Variants in IGSF21 observed in about 807,000 individuals in gnomAD.
The protein encoded by IGSF21 is immunoglobin superfamily member 21, also known as immunoglobulin superfamily member 21.
In IGSF21, 28 loss-of-function variants were observed where a neutral mutation model predicts 46.8. That is an observed-to-expected ratio of 0.60 (90% confidence interval 0.44 to 0.82). IGSF21 has a LOEUF of 0.82. IGSF21 is among the 40% of genes least tolerant of loss of function. The pLI is 0.00. For synonymous variants in IGSF21, 284 were observed against 273.6 expected (o/e 1.04, Z -0.38); for missense variants, 624 against 665.5 (o/e 0.94, Z 0.69).
chr1:18,301,257 T>C (rs2085358623), intron 3 of IGSF21, among the ~76,000 whole-genome samples: 1 of 152,210 alleles, frequency 6.6e-6, no homozygotes. Flanking sequence ...TGGAGCCAGG[T>C]CCACTTGTGG....
chr1:18,190,505 TCTGGAG>T (rs67839615), intron 1 of IGSF21, among the ~76,000 whole-genome samples: 78,704 of 151,584 alleles, frequency 0.52, 23,413 homozygotes, highest in Non-Finnish European at 0.67. Flanking sequence ...TGCCAGGTCA[TCTGGAG>T]CTGAGAAAGT....
chr1:18,210,830 G>T (rs2084384136), intron 1 of IGSF21, among the ~76,000 whole-genome samples: 1 of 152,112 alleles, frequency 6.6e-6, no homozygotes, highest in East Asian at 1.9e-4. Context: ...ACCCCTGGTT[G>T]AGAACCACTC....
At chr1:18,160,142 G>A (rs1157937167) in intron 1 of IGSF21, among the ~76,000 whole-genome samples, 1 of 152,106 alleles carries the variant, frequency 6.6e-6, no homozygotes, top group Non-Finnish European at 1.5e-5. Context: ...CCAGGCTAGG[G>A]GGAGAGAAGG....
intron 4 of IGSF21, among the ~76,000 whole-genome samples, chr1:18,356,502 C>A (rs1038148480): frequency 6.6e-6 from 1 of 152,186 alleles, no homozygotes; most frequent in Non-Finnish European, 1.5e-5. Flanking sequence ...AGGCAGGTGG[C>A]CTCACCTTAC....
chr1:18,121,408 C>T (rs1289532663), intron 1 of IGSF21, among the ~76,000 whole-genome samples: 6 of 151,690 alleles, frequency 4.0e-5, no homozygotes, highest in East Asian at 2.0e-4. Context: ...GCTTTTCTCA[C>T]GATCCTCTAT....
intron 1 of IGSF21, chr1:18,115,192 C>G (rs1397982824): frequency 6.6e-6 from 1 of 152,502 alleles, no homozygotes; most frequent in East Asian, 1.9e-4. Context: ...GACATCTGCC[C>G]TCAGCTAGCA....
chr1:18,165,822 T>C (rs1338088547), intron 1 of IGSF21, among the ~76,000 whole-genome samples: 1 of 152,234 alleles, frequency 6.6e-6, no homozygotes, highest in East Asian at 1.9e-4. Flanking sequence ...TCCTCTTCCT[T>C]ATTTAAAAGT....
At position 18,341,045 on chromosome 1, in the gene IGSF21, C is replaced by CTTCTTCTTCTTCTTCTTCTTCT. The variant is rs55780171; in HGVS notation, c.424+6036_424+6037insTCTTCTTCTTCTTCTTCTTCTT. Among the ~76,000 whole-genome samples, 514 of 78,200 alleles carry CTTCTTCTTCTTCTTCTTCTTCT rather than the reference C, an allele frequency of 6.6e-3. 2 individuals are homozygous for CTTCTTCTTCTTCTTCTTCTTCT. Among genetic ancestry groups the CTTCTTCTTCTTCTTCTTCTTCT allele is most frequent in the East Asian group, 0.026 (64 of 2,492 alleles). 51.3% of individuals were successfully genotyped at this position (78,200 alleles called of 152,430 possible). ...CTTCTTCTTCTTCTTCTTCTTCTTCCTCTTCCTCTTCCTCTTCTTCTTCTT... is the reference window on the plus strand; with the variant it reads ...CTTCTTCTTCTTCTTCTTCTTCTTCCTTCTTCTTCTTCTTCTTCTTCTTCTTCCTCTTCCTCTTCTTCTTCTT... On this transcript the variant is annotated intron_variant, in intron 4 of 9. Transcript: ENST00000251296.
intron 2 of IGSF21, among the ~76,000 whole-genome samples, chr1:18,241,978 G>A (rs2124518702): frequency 6.6e-6 from 1 of 152,296 alleles, no homozygotes; most frequent in Admixed American, 6.5e-5. Flanking sequence ...AAGCTCTGTG[G>A]CCTCCTCCGT....
intron 2 of IGSF21, among the ~76,000 whole-genome samples, chr1:18,277,255 C>T (rs1421654567): frequency 3.3e-5 from 5 of 152,214 alleles, no homozygotes; most frequent in East Asian, 1.9e-4. Flanking sequence ...ACTCTGGCCT[C>T]GGTTGCCTCC....
chr1:18,139,417 G>T (rs1454429823), intron 1 of IGSF21, among the ~76,000 whole-genome samples: 1 of 152,174 alleles, frequency 6.6e-6, no homozygotes, highest in Non-Finnish European at 1.5e-5. Context: ...GGAAGATCGT[G>T]CAGGCTCCCT....
intron 1 of IGSF21, among the ~76,000 whole-genome samples, chr1:18,133,015 T>C (rs2086336491): frequency 6.6e-6 from 1 of 152,032 alleles, no homozygotes; most frequent in African/African-American, 2.4e-5. Flanking sequence ...AATAGAGTTA[T>C]ATTCATTCTC....
chr1:18,148,399 T>A (rs1266295315), intron 1 of IGSF21, among the ~76,000 whole-genome samples: 2 of 152,214 alleles, frequency 1.3e-5, no homozygotes, highest in African/African-American at 2.4e-5. Context: ...CCCAAAGTGC[T>A]GGGATTACTG....
rs1202582655 is a variant in IGSF21, at chr1:18,365,467, C to T, written c.785C>T (p.Thr262Ile). 6.2e-7 allele frequency: 1 copy of T among 1,614,024 alleles called. No homozygotes were observed. The highest frequency in any genetic ancestry group is 1.3e-5 in the African/African-American group (1 of 74,886). Residue 262 changes from threonine (T) to isoleucine (I), a missense_variant, in exon 6 of 10, where the codon ACA (threonine) becomes ATA (isoleucine). Physicochemically the swap from Thr to Ile is moderately conservative, Grantham distance 89 (BLOSUM62 -1). Coordinates refer to ENST00000251296, the MANE Select transcript of IGSF21 (RefSeq NM_032880.5). This position sits in a 1 kb window ranked among gnomAD's most constrained non-coding sequence, Gnocchi z 4.8. ...PDPNILLQPT[T>I]ENIPETVVSR... ...CCCAACATCCTCCTCCAGCCAACCA[C>T]AGAGAACATACCAGAGACGGTCGTG...
intron 2 of IGSF21, among the ~76,000 whole-genome samples, chr1:18,291,262 G>A (rs1270222906): frequency 6.6e-6 from 1 of 152,150 alleles, no homozygotes; most frequent in Non-Finnish European, 1.5e-5. Context: ...GGTGAAATGG[G>A]GACTTCATGT....
intron 7 of IGSF21, 147 bp from the exon 8 acceptor site, chr1:18,376,653 C>T: frequency 1.4e-6 from 1 of 724,248 alleles, no homozygotes. Flanking sequence ...GTCCCAGACT[C>T]CTCCTCCTCC....
intron 2 of IGSF21, among the ~76,000 whole-genome samples, chr1:18,234,825 A>T (rs1412281781): frequency 6.6e-6 from 1 of 152,108 alleles, no homozygotes; most frequent in Non-Finnish European, 1.5e-5. Flanking sequence ...GCCAAACCAT[A>T]TCACAATCCT....
rs951426527 is a variant in IGSF21, at chr1:18,378,427, T to C, written c.*101T>C. 2.0e-6 allele frequency: 2 copies of C among 1,016,312 alleles called. No individual in the cohort carries two copies. Among genetic ancestry groups the C allele is most frequent in the African/African-American group, 1.6e-5 (1 of 62,030 alleles). The allele number at this position is 1,016,312 out of a possible 1,614,324, so 63.0% of individuals were successfully genotyped here. A position where few individuals can be genotyped will look rare whatever the true frequency, so the allele number is the denominator to read the frequency against. Reference sequence around the variant, plus strand: ...CAGTCTTGTTCTTAGTCTCTTTCCATCTGTGTCTTGGCTTCTTCAGTCGGT... The same window carrying C: ...CAGTCTTGTTCTTAGTCTCTTTCCACCTGTGTCTTGGCTTCTTCAGTCGGT... On this transcript the variant is annotated 3_prime_UTR_variant, in exon 10 of 10. Transcript: ENST00000251296.
chr1:18,348,154 G>T (rs2085913916), intron 4 of IGSF21, among the ~76,000 whole-genome samples: 1 of 152,198 alleles, frequency 6.6e-6, no homozygotes, highest in Non-Finnish European at 1.5e-5. Context: ...TAAGTAACTT[G>T]CCCAAGGTCA....
Sources: gnomAD v4.1 joint callset for allele counts (sites outside exome capture counted in the v4.1 genomes callset) on GRCh38, gnomAD v4.1.1 for gene constraint, Gnocchi (gnomAD v3.1) non-coding constraint, MANE v1.5 for transcripts, NCBI Gene and HGNC (gene_info 2026-07-23, HGNC 2026-07-21) for gene names.